PNPLA1: variants seen among roughly 807,000 people sequenced by gnomAD.
PNPLA1 encodes the protein patatin like domain 1, omega-hydroxyceramide transacylase.
PNPLA1 carries 36 observed loss-of-function variants against 51.7 expected under a neutral mutation model. The ratio of observed to expected loss-of-function variants is 0.70; its 90% CI spans 0.53 to 0.92. The LOEUF (loss-of-function observed/expected upper bound fraction) is 0.92, where lower values mean the gene tolerates loss of function less well. Among genes scored for constraint, PNPLA1 ranks in the 40% least tolerant of loss-of-function variants. The pLI is 0.00. For synonymous variants in PNPLA1, 293 were observed against 280.1 expected, an observed-to-expected ratio of 1.05 and a Z score of -0.46; for missense variants, 658 against 682.5, an observed-to-expected ratio of 0.96 and a Z score of 0.40.
chr6:36,279,482 G>A (rs757045761), intron 1 of PNPLA1, among the ~76,000 whole-genome samples: 1 of 152,182 alleles, frequency 6.6e-6, no homozygotes, highest in Non-Finnish European at 1.5e-5. Flanking sequence ...TGAGAACCTC[G>A]CTTTAGTAAC....
At chr6:36,265,414 T>C (rs973987722), upstream of PNPLA1, among the ~76,000 whole-genome samples, 1 of 152,200 alleles carries the variant, frequency 6.6e-6, no homozygotes, top group Non-Finnish European at 1.5e-5. Flanking sequence ...AATCTACTTC[T>C]TGGCTTCTAA....
intron 7 of PNPLA1, among the ~76,000 whole-genome samples, chr6:36,307,318 G>A (rs375507455): frequency 6.6e-6 from 1 of 152,160 alleles, no homozygotes; most frequent in Non-Finnish European, 1.5e-5. Flanking sequence ...TTAGGCATAA[G>A]TTATGCATTT....
intron 1 of PNPLA1, among the ~76,000 whole-genome samples, chr6:36,246,465 G>A (rs1769286414): frequency 6.6e-6 from 1 of 152,158 alleles, no homozygotes; most frequent in Non-Finnish European, 1.5e-5. Context: ...GCCTCCCAAA[G>A]TGCTGGAATT....
At chr6:36,275,966 T>C (rs1315478934) in intron 1 of PNPLA1, among the ~76,000 whole-genome samples, 1 of 151,644 alleles carries the variant, frequency 6.6e-6, no homozygotes, top group African/African-American at 2.4e-5. Context: ...CTTTCTTTCT[T>C]TCTTTCTTTT....
intron 1 of PNPLA1, among the ~76,000 whole-genome samples, chr6:36,259,531 G>A (rs4713942): frequency 0.43 from 64,883 of 151,726 alleles, 14,268 homozygotes; most frequent in East Asian, 0.71. Context: ...TTTATGTACT[G>A]TATCTCCTTG....
chr6:36,270,739 C>T lies in PNPLA1; in HGVS notation c.205+75C>T, dbSNP rs975416195. ...AGAGACAGAAGGAGCGTGAGGGAGGCTGGGGATGCTTTGGGGGACAAAGCC... is the reference window on the plus strand; with the variant it reads ...AGAGACAGAAGGAGCGTGAGGGAGGTTGGGGATGCTTTGGGGGACAAAGCC... On this transcript the variant is annotated intron_variant, in intron 1 of 8. Coordinates refer to ENST00000636260, the MANE Select transcript of PNPLA1 (RefSeq NM_001374623.1). 6.6e-5 allele frequency: 98 copies of T among 1,495,576 alleles called. No individual in the cohort carries two copies. The African/African-American group carries it at 1.3e-3, about 20-fold the overall frequency. The allele number at this position is 1,495,576 out of a possible 1,614,324, so 92.6% of individuals were successfully genotyped here. A position where few individuals can be genotyped will look rare whatever the true frequency, so the allele number is the denominator to read the frequency against.
At chr6:36,295,482 C>T in intron 5 of PNPLA1, 58 bp downstream of exon 5, 2 of 1,547,522 alleles carry the variant, frequency 1.3e-6, no homozygotes, top group Non-Finnish European at 1.8e-6. Context: ...AAAGTTCAAA[C>T]AGTAGAAGGG....
At chr6:36,287,264 G>C (rs9394341) in intron 1 of PNPLA1, among the ~76,000 whole-genome samples, 36,534 of 152,066 alleles carry the variant, frequency 0.24, 4,945 homozygotes, top group Non-Finnish European at 0.3. Flanking sequence ...CCAGCCCTCA[G>C]GGGAGGTTTC....
intron 2 of PNPLA1, 65 bp from the exon 3 acceptor site, chr6:36,292,996 A>G: frequency 7.0e-7 from 1 of 1,419,936 alleles, no homozygotes; most frequent in South Asian, 1.3e-5. Context: ...CCAGGGGCTG[A>G]CAGGTGAGCT....
chr6:36,290,838 A>G (rs943022995), intron 1 of PNPLA1, among the ~76,000 whole-genome samples: 4 of 152,110 alleles, frequency 2.6e-5, no homozygotes, highest in Admixed American at 6.5e-5. Context: ...TTCCCTGCCC[A>G]CAGACTCAGT....
chr6:36,274,450 A>G (rs1207224890), intron 1 of PNPLA1, among the ~76,000 whole-genome samples: 5 of 152,158 alleles, frequency 3.3e-5, no homozygotes, highest in African/African-American at 9.7e-5. Flanking sequence ...CAGAAGCAAA[A>G]GTCTCATCGT....
Position 36,301,893 on chromosome 6 carries a change from G to A in PNPLA1, c.808G>A (p.Val270Met). Residue 270 changes from valine (V) to methionine (M), a missense_variant, in exon 6 of 9, where the codon GTG (valine) becomes ATG (methionine). Val to Met is a conservative substitution (Grantham distance 21, BLOSUM62 1). Transcript: ENST00000636260. ...TTATCTTAATTCTTCCTCCAAGAGA[G>A]TGATTTTCCCCCGGGTGGAAGTGTA... ...AVYLNSSSKR[V>M]IFPRVEVYCQ... is the part of the protein sequence containing the mutation. 6.2e-7 allele frequency: 1 copy of A among 1,614,174 alleles called. No individual in the cohort carries two copies. The highest frequency in any genetic ancestry group is 8.5e-7 in the Non-Finnish European group (1 of 1,180,006).
rs182227800 is a variant in PNPLA1 at position 36,302,040 on chromosome 6, G to A, written c.955G>A (p.Asp319Asn). 287 of 1,614,226 alleles carry A rather than the reference G, an allele frequency of 1.8e-4. 1 individual carries two copies. The East Asian group carries it at 6.4e-3, about 36-fold the overall frequency. Reference protein sequence around the residue: ...QPHKEWVPKGDGRGSHGPPVS... With the variant: ...QPHKEWVPKGNGRGSHGPPVS... Reference sequence around the variant, plus strand: ...TCACAAGGAGTGGGTTCCCAAAGGGGATGGAAGGGGCAGCCATGGTCCGCC... The same window carrying A: ...TCACAAGGAGTGGGTTCCCAAAGGGAATGGAAGGGGCAGCCATGGTCCGCC... Residue 319 changes from aspartate to asparagine, a missense_variant, in exon 6 of 9, where the codon GAT becomes AAT. Coordinates refer to ENST00000636260, the MANE Select transcript of PNPLA1 (RefSeq NM_001374623.1).
chr6:36,279,219 G>T (rs994305406), intron 1 of PNPLA1, among the ~76,000 whole-genome samples: 2 of 152,158 alleles, frequency 1.3e-5, no homozygotes, highest in Admixed American at 6.6e-5. Context: ...CATGTGTTTT[G>T]CCCCCTGCCC....
chr6:36,284,943 A>G (rs964272476), intron 1 of PNPLA1, among the ~76,000 whole-genome samples: 1 of 152,182 alleles, frequency 6.6e-6, no homozygotes, highest in African/African-American at 2.4e-5. Context: ...ATTGTTTTTC[A>G]ATCAATACCC....
At chr6:36,311,400 G>A (rs529544465) in intron 8 of PNPLA1, among the ~76,000 whole-genome samples, 1 of 152,346 alleles carries the variant, frequency 6.6e-6, no homozygotes, top group East Asian at 1.9e-4. Flanking sequence ...TGCAAGGATG[G>A]AGGTAGCGGA....
In PNPLA1 at chr6:36,302,355, A is replaced by T; in HGVS notation, c.1270A>T (p.Arg424Trp). 1.2e-6 allele frequency: 2 copies of T among 1,611,468 alleles called. No individual in the cohort carries two copies. Among genetic ancestry groups the T allele is most frequent in the Non-Finnish European group, 1.7e-6 (2 of 1,178,220 alleles). Residue 424 changes from arginine (R) to tryptophan (W), a missense_variant, in exon 6 of 9, where the codon AGG (arginine) becomes TGG (tryptophan). By Grantham distance (101) the Arg-to-Trp change is moderately radical. Transcript: ENST00000636260. ...SLHSQAPTSP[R>W]PSLGPSTVGA... ...ACACTCTCAGGCACCCACTTCACCCAGGCCATCCCTGGGGCCTTCAACTGT... is the reference window on the plus strand; with the variant it reads ...ACACTCTCAGGCACCCACTTCACCCTGGCCATCCCTGGGGCCTTCAACTGT...
At chr6:36,245,760 CCCA>C (rs1187533937) in intron 1 of PNPLA1, among the ~76,000 whole-genome samples, 12 of 152,220 alleles carry the variant, frequency 7.9e-5, no homozygotes, top group African/African-American at 2.9e-4. Flanking sequence ...AACCGTCATC[CCCA>C]CGTTACAGGT....
chr6:36,302,593 AG>A, intron 6 of PNPLA1, 124 bp downstream of exon 6: 1 of 1,302,308 alleles, frequency 7.7e-7, no homozygotes, highest in African/African-American at 1.5e-5. Flanking sequence ...AGTGAGCTTT[AG>A]CATCTCTGTC....
Sources: allele counts gnomAD v4.1 joint callset (sites outside exome capture counted in the v4.1 genomes callset), GRCh38; gene constraint gnomAD v4.1.1; transcripts MANE v1.5; gene names NCBI Gene and HGNC (gene_info 2026-07-23, HGNC 2026-07-21).